Variants in ARL15 observed in about 807,000 individuals in gnomAD.
The protein encoded by ARL15 is ADP-ribosylation factor-like protein 15.
In ARL15, 19 loss-of-function variants were observed where a neutral mutation model predicts 25.2. The observed-to-expected ratio is 0.75, with a 90% confidence interval of 0.53 to 1.10. The LOEUF is 1.10. Among genes scored for constraint, ARL15 ranks in the 50% least tolerant of loss-of-function variants. ARL15 has a pLI of 0.00. For missense variants in ARL15, 220 were observed against 246.0 expected (o/e 0.89, Z 0.71); for synonymous variants, 94 against 86.8 (o/e 1.08, Z -0.46).
chr5:53,975,584 T>C (rs997854385), intron 4 of ARL15, among the ~76,000 whole-genome samples: 1 of 152,228 alleles, frequency 6.6e-6, no homozygotes, highest in Non-Finnish European at 1.5e-5. Flanking sequence ...TTGGCAATAC[T>C]TGCTGGCTTT....
intron 4 of ARL15, among the ~76,000 whole-genome samples, chr5:54,003,604 G>A (rs1748915401): frequency 6.6e-6 from 1 of 152,102 alleles, no homozygotes; most frequent in Admixed American, 6.5e-5. Flanking sequence ...ATTGTTTGTA[G>A]TCTAACATCT....
chr5:54,265,293 T>C (rs1053203021), intron 1 of ARL15, among the ~76,000 whole-genome samples: 1 of 152,252 alleles, frequency 6.6e-6, no homozygotes, highest in Non-Finnish European at 1.5e-5. Context: ...TTTGGCCTTC[T>C]GTATGACATT....
intron 4 of ARL15, among the ~76,000 whole-genome samples, chr5:54,022,509 A>G (rs1352691288): frequency 1.3e-5 from 2 of 152,150 alleles, no homozygotes; most frequent in African/African-American, 4.8e-5. Flanking sequence ...AGCTCACAGG[A>G]AAGGAGACTA....
At chr5:54,033,035 A>G (rs1750042260) in intron 4 of ARL15, among the ~76,000 whole-genome samples, 1 of 152,072 alleles carries the variant, frequency 6.6e-6, no homozygotes, top group Admixed American at 6.6e-5. Context: ...GTTAAAAAAA[A>G]AAAAAAGACT....
At chr5:53,902,684 G>A (rs1745106195) in intron 4 of ARL15, among the ~76,000 whole-genome samples, 1 of 152,210 alleles carries the variant, frequency 6.6e-6, no homozygotes, top group African/African-American at 2.4e-5. Context: ...ACAGGAGACA[G>A]ACAAATATGG....
intron 1 of ARL15, among the ~76,000 whole-genome samples, chr5:54,228,728 T>A (rs1756591640): frequency 2.6e-5 from 4 of 152,168 alleles, no homozygotes; most frequent in Admixed American, 2.6e-4. Context: ...AGAAAAATAT[T>A]CCCTTTAATG....
At chr5:53,925,316 C>T (rs1038420794) in intron 4 of ARL15, among the ~76,000 whole-genome samples, 3 of 152,090 alleles carry the variant, frequency 2.0e-5, no homozygotes, top group South Asian at 2.1e-4. Context: ...CCACCTTAGC[C>T]TCCCTCGTAG....
At chr5:54,129,713 A>G (rs1204289505) in intron 3 of ARL15, among the ~76,000 whole-genome samples, 2 of 152,192 alleles carry the variant, frequency 1.3e-5, no homozygotes, top group African/African-American at 4.8e-5. Context: ...TAACAAGGAA[A>G]GTCTGATGAA....
intron 4 of ARL15, 96 bp from the exon 5 acceptor site, chr5:53,886,809 C>A (rs1023637586): frequency 6.7e-6 from 8 of 1,200,264 alleles, no homozygotes; most frequent in Non-Finnish European, 9.2e-6. Flanking sequence ...AATTTCGAGG[C>A]GGAATTTATA....
At chr5:54,052,900 C>T (rs13180378) in intron 4 of ARL15, among the ~76,000 whole-genome samples, 42,849 of 151,620 alleles carry the variant, frequency 0.28, 6,232 homozygotes, top group African/African-American at 0.34. Context: ...ATCCTGTCTG[C>T]GGCAAGAAAT....
intron 1 of ARL15, among the ~76,000 whole-genome samples, chr5:54,283,508 ATTAAG>A (rs924916556): frequency 8.5e-5 from 13 of 152,216 alleles, no homozygotes; most frequent in Non-Finnish European, 1.2e-4. Context: ...CACATCTATT[ATTAAG>A]TTATTACTAT....
At chr5:54,224,438 G>A (rs1033419675) in intron 1 of ARL15, among the ~76,000 whole-genome samples, 4 of 152,206 alleles carry the variant, frequency 2.6e-5, no homozygotes, top group African/African-American at 9.6e-5. Flanking sequence ...CGTGCAATAG[G>A]CGGAATTAGA....
At chr5:54,168,259 T>A (rs887687819) in intron 2 of ARL15, among the ~76,000 whole-genome samples, 4 of 152,152 alleles carry the variant, frequency 2.6e-5, no homozygotes, top group Non-Finnish European at 5.9e-5. Context: ...AATCTATGAC[T>A]GAGTTGTCTC....
chr5:53,940,328 A>G (rs1746503832), intron 4 of ARL15, among the ~76,000 whole-genome samples: 1 of 152,160 alleles, frequency 6.6e-6, no homozygotes, highest in South Asian at 2.1e-4. Flanking sequence ...TAATTCCCAT[A>G]GGCATGTAGC....
intron 4 of ARL15, among the ~76,000 whole-genome samples, chr5:53,974,116 C>T (rs1352330092): frequency 3.3e-5 from 5 of 152,138 alleles, no homozygotes; most frequent in Non-Finnish European, 5.9e-5. Context: ...GTTAACTTTT[C>T]AACTGATTTT....
intron 1 of ARL15, among the ~76,000 whole-genome samples, chr5:54,200,396 G>A (rs1175786009): frequency 1.3e-5 from 2 of 151,012 alleles, no homozygotes; most frequent in Non-Finnish European, 3.0e-5. Context: ...GTATCAAAAT[G>A]ACAAGTCCTC....
chr5:54,075,979 T>C (rs957242609), intron 4 of ARL15, among the ~76,000 whole-genome samples: 5 of 152,196 alleles, frequency 3.3e-5, no homozygotes, highest in Non-Finnish European at 7.3e-5. Context: ...TACTACCTTA[T>C]ATCTATTCAT....
chr5:54,169,922 T>TA (rs1467744851), intron 2 of ARL15, among the ~76,000 whole-genome samples: 3 of 152,182 alleles, frequency 2.0e-5, no homozygotes, highest in African/African-American at 7.2e-5. Context: ...TCCCTCATCC[T>TA]AAAATCAAGC....
chr5:53,921,011 A>T (rs1201708190), intron 4 of ARL15, among the ~76,000 whole-genome samples: 2 of 152,194 alleles, frequency 1.3e-5, no homozygotes, highest in East Asian at 3.8e-4. Context: ...AGAGGACATC[A>T]GGGTCCTTGA....
Sources: gnomAD v4.1 joint callset for allele counts (sites outside exome capture counted in the v4.1 genomes callset) on GRCh38, gnomAD v4.1.1 for gene constraint, MANE v1.5 for transcripts, NCBI Gene and HGNC (gene_info 2026-07-23, HGNC 2026-07-21) for gene names.